The following PLCL1 variants were observed in gnomAD, a reference collection of about 807,000 sequenced individuals.
PLCL1 encodes the protein phospholipase C like 1 (inactive).
PLCL1 carries 41 observed loss-of-function variants against 84.4 expected under a neutral mutation model. That is an observed-to-expected ratio of 0.49 (90% CI 0.38 to 0.63). The LOEUF (loss-of-function observed/expected upper bound fraction) is 0.63, where lower values mean the gene tolerates loss of function less well. Ranked by LOEUF, PLCL1 falls within the 30% of genes least tolerant of loss-of-function variation. The pLI is 0.00. For synonymous variants in PLCL1, 490 were observed against 488.3 expected (o/e 1.00, Z -0.05); for missense variants, 1,206 against 1,367.8 (o/e 0.88, Z 1.87).
At chr2:197,988,243 AT>A (rs1227587635) in intron 1 of PLCL1, among the ~76,000 whole-genome samples, 1 of 152,154 alleles carries the variant, frequency 6.6e-6, no homozygotes, top group African/African-American at 2.4e-5. Flanking sequence ...CACTTATTTT[AT>A]TTCAATGGCT....
chr2:197,907,375 A>C (rs1688406891), intron 1 of PLCL1, among the ~76,000 whole-genome samples: 1 of 151,974 alleles, frequency 6.6e-6, no homozygotes, highest in East Asian at 1.9e-4. Context: ...AGTAGCTGGG[A>C]CTACAGGCCT....
chr2:197,931,641 CA>C (rs910598690), intron 1 of PLCL1, among the ~76,000 whole-genome samples: 8 of 150,300 alleles, frequency 5.3e-5, no homozygotes, highest in African/African-American at 2.0e-4. Flanking sequence ...TACCAACCTA[CA>C]ACCATCCAAC....
At chr2:198,082,928 G>T (rs776648008) in intron 1 of PLCL1, among the ~76,000 whole-genome samples, 1 of 152,176 alleles carries the variant, frequency 6.6e-6, no homozygotes, top group Non-Finnish European at 1.5e-5. Flanking sequence ...GGTGAAATGG[G>T]CTGAGGAAAC....
intron 1 of PLCL1, among the ~76,000 whole-genome samples, chr2:197,836,242 C>G (rs1032682384): frequency 6.6e-6 from 1 of 151,670 alleles, no homozygotes; most frequent in Non-Finnish European, 1.5e-5. Context: ...TCAGGAGATC[C>G]AGACCATCCC....
intron 1 of PLCL1, among the ~76,000 whole-genome samples, chr2:197,873,928 C>G (rs1013189258): frequency 6.6e-6 from 1 of 152,178 alleles, no homozygotes; most frequent in Non-Finnish European, 1.5e-5. Flanking sequence ...TCTCCACACT[C>G]AGCTGTTCAC....
chr2:197,897,171 CT>C lies in PLCL1; in HGVS notation c.240+91834del, dbSNP rs1159184190. On this transcript the variant is annotated intron_variant, in intron 1 of 5. Transcript: ENST00000428675. ...TCTTCTTCTTCTTCTTCTTCTTCTT[CT>C]TCTTCTTCTTCTTCTTCTCCTTCTC... is the stretch of plus-strand genomic sequence containing the variant. Among the ~76,000 whole-genome samples, 45 of 30,980 alleles carry C rather than the reference CT, an allele frequency of 1.5e-3. 2 individuals carry two copies. The highest frequency in any genetic ancestry group is 8.9e-3 in the African/African-American group (39 of 4,382). 20.3% of individuals were successfully genotyped at this position (30,980 alleles called of 152,430 possible).
At chr2:197,810,444 A>C in intron 1 of PLCL1, 1 of 367,576 alleles carries the variant, frequency 2.7e-6, no homozygotes, top group Non-Finnish European at 5.3e-6. Flanking sequence ...AAGGCTAAAA[A>C]AAGTGTAAGT....
chr2:198,120,806 T>G (rs902920559), intron 5 of PLCL1, among the ~76,000 whole-genome samples: 4 of 152,110 alleles, frequency 2.6e-5, no homozygotes, highest in African/African-American at 9.7e-5. Flanking sequence ...TTTGATATAC[T>G]GATTTCCTTT....
At chr2:198,018,821 G>A (rs753923913) in intron 1 of PLCL1, among the ~76,000 whole-genome samples, 6 of 152,230 alleles carry the variant, frequency 3.9e-5, no homozygotes, top group African/African-American at 1.2e-4. Context: ...AGACTTTAAC[G>A]TTCCTGCCTA....
intron 1 of PLCL1, among the ~76,000 whole-genome samples, chr2:198,050,991 A>G (rs1691913687): frequency 6.6e-6 from 1 of 152,206 alleles, no homozygotes; most frequent in Admixed American, 6.5e-5. Context: ...TGAAGGGAAA[A>G]CATTTTAACG....
intron 1 of PLCL1, among the ~76,000 whole-genome samples, chr2:197,845,855 G>C (rs1324453941): frequency 1.3e-5 from 2 of 152,122 alleles, no homozygotes. Flanking sequence ...TAACATGCCT[G>C]TGTGTGTATG....
chr2:198,091,828 C>T (rs1043575431), intron 3 of PLCL1, among the ~76,000 whole-genome samples: 4 of 152,080 alleles, frequency 2.6e-5, no homozygotes, highest in Admixed American at 6.5e-5. Flanking sequence ...TAAAATAAAA[C>T]GGAAACTCCT....
chr2:198,068,639 T>C (rs1181716600), intron 1 of PLCL1, among the ~76,000 whole-genome samples: 2 of 152,216 alleles, frequency 1.3e-5, no homozygotes, highest in African/African-American at 4.8e-5. Flanking sequence ...TTCAAATGTG[T>C]GTTAAATATC....
At position 198,066,904 on chromosome 2, in the gene PLCL1, C is replaced by T. The variant is rs1574286257; in HGVS notation, c.241-16854C>T. ...AATTAGTTCCCCTCTACCTAAAATA[C>T]TCCATATTTTCTTTCAGAGCAGTTC... On this transcript the variant is annotated intron_variant, in intron 1 of 5. Transcript: ENST00000428675. Among the ~76,000 whole-genome samples, 2 of 152,260 alleles carry T rather than the reference C, an allele frequency of 1.3e-5. 1 individual carries two copies. Among genetic ancestry groups the T allele is most frequent in the East Asian group, 3.9e-4 (2 of 5,182 alleles).
chr2:198,101,352 A>G lies in PLCL1; in HGVS notation c.2987A>G (p.Gln996Arg), dbSNP rs1379056236. 2.6e-6 allele frequency: 4 copies of G among 1,534,136 alleles called. No homozygotes were observed. Among genetic ancestry groups the G allele is most frequent in the Non-Finnish European group, 1.8e-6 (2 of 1,122,494 alleles). Reference protein sequence around the residue: ...DTVQEKIVQCQKAGMEFHEEL... With the variant: ...DTVQEKIVQCRKAGMEFHEEL... ...GTCCAGGAAAAGATTGTACAGTGTCAGAAAGCAGGTAATTGTTTTTAATTT... is the reference window on the plus strand; with the variant it reads ...GTCCAGGAAAAGATTGTACAGTGTCGGAAAGCAGGTAATTGTTTTTAATTT... The change falls in exon 4 of 6, where the codon CAG (glutamine) becomes CGG (arginine). Residue 996 changes from glutamine to arginine, a missense_variant. Coordinates refer to ENST00000428675, the MANE Select transcript of PLCL1 (RefSeq NM_006226.4).
At chr2:197,998,892 T>C (rs1234227769) in intron 1 of PLCL1, among the ~76,000 whole-genome samples, 2 of 152,184 alleles carry the variant, frequency 1.3e-5, no homozygotes, top group Non-Finnish European at 2.9e-5. Context: ...CCCACCCACA[T>C]GATTGTGAAT....
intron 5 of PLCL1, among the ~76,000 whole-genome samples, chr2:198,142,064 G>A (rs1202320385): frequency 6.6e-6 from 1 of 152,172 alleles, no homozygotes; most frequent in Non-Finnish European, 1.5e-5. Context: ...CATGGGAAAA[G>A]TGGGTGTGAA....
intron 1 of PLCL1, among the ~76,000 whole-genome samples, chr2:197,882,195 ATAT>A (rs1327200040): frequency 6.6e-6 from 1 of 152,180 alleles, no homozygotes; most frequent in Non-Finnish European, 1.5e-5. Flanking sequence ...TTGGTGTGGA[ATAT>A]TAAAGGGCAA....
chr2:197,915,755 G>T (rs945839248), intron 1 of PLCL1, among the ~76,000 whole-genome samples: 16 of 152,162 alleles, frequency 1.1e-4, no homozygotes, highest in Admixed American at 9.2e-4. Context: ...ATAAGGTGAT[G>T]ATTTCCCTTT....
Sources: allele counts gnomAD v4.1 joint callset (sites outside exome capture counted in the v4.1 genomes callset), GRCh38; gene constraint gnomAD v4.1.1; transcripts MANE v1.5; gene names NCBI Gene and HGNC (gene_info 2026-07-23, HGNC 2026-07-21).